Variants in SLC4A4 observed in about 807,000 individuals in gnomAD.
SLC4A4 encodes the protein solute carrier family 4 member 4.
A neutral mutation model predicts 111.5 loss-of-function variants in SLC4A4; 27 were observed. That is an observed-to-expected ratio of 0.24 (90% confidence interval 0.18 to 0.33). SLC4A4 has a LOEUF of 0.33. SLC4A4 is among the 10% of genes least tolerant of loss of function. The probability of loss-of-function intolerance (pLI) is 1.00; values close to 1 mark genes in which losing one functional copy is unlikely to be tolerated. For synonymous variants in SLC4A4, 443 were observed against 463.4 expected, an observed-to-expected ratio of 0.96 and a Z score of 0.57; for missense variants, 909 against 1,315.5, an observed-to-expected ratio of 0.69 and a Z score of 4.78.
Position 71,088,210 on chromosome 4 carries a change from A to G in SLC4A4, c.-64-4520A>G, listed in dbSNP as rs544839173. 3.1e-4 allele frequency among the ~76,000 whole-genome samples: 47 copies of G among 149,836 alleles called. 1 individual carries two copies. Among genetic ancestry groups the G allele is most frequent in the African/African-American group, 1.1e-3 (46 of 40,678 alleles). ...TTGATGGCTTAAAGTCTGTTTTATC[A>G]GAGACTCGGATTGCAATACCTGCCT... On this transcript the variant is annotated intron_variant, in intron 1 of 26. Coordinates refer to the SLC4A4 transcript ENST00000649996.
At chr4:71,174,440 G>T (rs1157050592) in intron 2 of SLC4A4, among the ~76,000 whole-genome samples, 5 of 152,082 alleles carry the variant, frequency 3.3e-5, no homozygotes, top group Non-Finnish European at 5.9e-5. Flanking sequence ...TAGAGACAAG[G>T]TTTCAGGATG....
chr4:71,524,662 A>G (rs1465881560), intron 16 of SLC4A4, among the ~76,000 whole-genome samples: 1 of 151,220 alleles, frequency 6.6e-6, no homozygotes, highest in African/African-American at 2.4e-5. Context: ...TTTTTTTTGC[A>G]TAGTGCTTTA....
At chr4:71,108,948 C>CT (rs1403525717) in intron 2 of SLC4A4, among the ~76,000 whole-genome samples, 2 of 151,788 alleles carry the variant, frequency 1.3e-5, no homozygotes, top group Non-Finnish European at 2.9e-5. Context: ...TATTTTAAGC[C>CT]TTTATCTAGT....
At chr4:71,421,270 C>T (rs1443007732) in intron 7 of SLC4A4, among the ~76,000 whole-genome samples, 1 of 152,148 alleles carries the variant, frequency 6.6e-6, no homozygotes, top group Admixed American at 6.5e-5. Flanking sequence ...GAGATTAATT[C>T]AACAAGAAGA....
At chr4:71,256,079 G>A (rs1241140854) in intron 3 of SLC4A4, among the ~76,000 whole-genome samples, 2 of 152,176 alleles carry the variant, frequency 1.3e-5, no homozygotes, top group Non-Finnish European at 2.9e-5. Flanking sequence ...TTTCTTTAAT[G>A]TGGAGAATAT....
chr4:71,437,451 G>A (rs991081399), intron 7 of SLC4A4: 9 of 328,742 alleles, frequency 2.7e-5, no homozygotes, highest in African/African-American at 1.5e-4. Flanking sequence ...CATTTCACTG[G>A]ACTATATCAA....
intron 21 of SLC4A4, among the ~76,000 whole-genome samples, chr4:71,557,288 C>T (rs1452257226): frequency 6.6e-6 from 1 of 151,884 alleles, no homozygotes; most frequent in Non-Finnish European, 1.5e-5. Context: ...ATATATGATG[C>T]ATAGTGTCAT....
At chr4:71,263,215 A>G (rs1721997291) in intron 3 of SLC4A4, among the ~76,000 whole-genome samples, 1 of 152,124 alleles carries the variant, frequency 6.6e-6, no homozygotes, top group South Asian at 2.1e-4. Flanking sequence ...TATGTAGTTT[A>G]ATGAAAATTA....
At chr4:71,223,913 C>T (rs143303840) in intron 1 of SLC4A4, among the ~76,000 whole-genome samples, 7 of 152,208 alleles carry the variant, frequency 4.6e-5, no homozygotes, top group African/African-American at 1.7e-4. Flanking sequence ...CCTGAGTCTT[C>T]GTGGCCCCGT....
intron 3 of SLC4A4, among the ~76,000 whole-genome samples, chr4:71,280,378 C>T (rs1723416114): frequency 6.6e-6 from 1 of 152,102 alleles, no homozygotes; most frequent in Non-Finnish European, 1.5e-5. Context: ...GTTTCCTTTG[C>T]TGTGCAAAAA....
chr4:71,129,667 G>A (rs1743649402), intron 2 of SLC4A4, among the ~76,000 whole-genome samples: 1 of 151,250 alleles, frequency 6.6e-6, no homozygotes, highest in African/African-American at 2.4e-5. Context: ...CACATCACAT[G>A]TATGTTCATT....
chr4:71,173,570 AG>A (rs1487671404), intron 2 of SLC4A4, among the ~76,000 whole-genome samples: 1 of 152,084 alleles, frequency 6.6e-6, no homozygotes, highest in Non-Finnish European at 1.5e-5. Flanking sequence ...TAGTAAAGAC[AG>A]GGTTTCACCA....
At chr4:71,362,124 G>A (rs1249905542) in intron 6 of SLC4A4, among the ~76,000 whole-genome samples, 1 of 152,002 alleles carries the variant, frequency 6.6e-6, no homozygotes, top group Non-Finnish European at 1.5e-5. Context: ...AGCCATCATC[G>A]ACCTGTCCCT....
chr4:71,079,549 G>A (rs1741936205), intron 1 of SLC4A4, among the ~76,000 whole-genome samples: 1 of 152,130 alleles, frequency 6.6e-6, no homozygotes, highest in African/African-American at 2.4e-5. Flanking sequence ...GCTGAGGCAG[G>A]AGGATTACTT....
At chr4:71,398,250 G>A (rs1447352036) in intron 7 of SLC4A4, among the ~76,000 whole-genome samples, 1 of 148,016 alleles carries the variant, frequency 6.8e-6, no homozygotes, top group Non-Finnish European at 1.5e-5. Flanking sequence ...GCACCACTGT[G>A]CTCCAACCTC....
intron 2 of SLC4A4, among the ~76,000 whole-genome samples, chr4:71,144,145 A>C (rs1165649907): frequency 1.3e-5 from 2 of 152,206 alleles, no homozygotes; most frequent in African/African-American, 4.8e-5. Context: ...AAAGGGATCC[A>C]GTTTCAGCTT....
At chr4:71,162,180 G>A (rs533795463) in intron 2 of SLC4A4, among the ~76,000 whole-genome samples, 105 of 152,188 alleles carry the variant, frequency 6.9e-4, no homozygotes, top group African/African-American at 2.4e-3. Flanking sequence ...TTATTTTGGT[G>A]CTGTAAATTG....
intron 16 of SLC4A4, among the ~76,000 whole-genome samples, chr4:71,501,085 G>T (rs1730879370): frequency 6.6e-6 from 1 of 152,150 alleles, no homozygotes; most frequent in African/African-American, 2.4e-5. Flanking sequence ...TCAAATTCAT[G>T]AATACAGGAT....
At chr4:71,346,614 C>T (rs1248801918) in intron 4 of SLC4A4, among the ~76,000 whole-genome samples, 1 of 151,780 alleles carries the variant, frequency 6.6e-6, no homozygotes, top group Non-Finnish European at 1.5e-5. Context: ...GTACTTTTGC[C>T]TTAGCCTTTT....
Sources: allele counts gnomAD v4.1 joint callset (sites outside exome capture counted in the v4.1 genomes callset), GRCh38; gene constraint gnomAD v4.1.1; transcripts MANE v1.5; gene names NCBI Gene and HGNC (gene_info 2026-07-23, HGNC 2026-07-21).